Variants in DNAAF11 observed in about 807,000 individuals in gnomAD.
DNAAF11 encodes dynein axonemal assembly factor 11, also known as leucine rich repeat containing 6.
In DNAAF11, 45 loss-of-function variants were observed where a neutral mutation model predicts 60.8. That is an observed-to-expected ratio of 0.74 (90% CI 0.58 to 0.95). DNAAF11 has a LOEUF of 0.95. Among genes scored for constraint, DNAAF11 ranks in the 40% least tolerant of loss-of-function variants. The pLI, the probability that DNAAF11 is intolerant of heterozygous loss-of-function variation, is 0.00. For missense variants in DNAAF11, 546 were observed against 546.2 expected, an observed-to-expected ratio of 1.00 and a Z score of 0.00; for synonymous variants, 191 against 183.5, an observed-to-expected ratio of 1.04 and a Z score of -0.33.
At chr8:132,673,256 G>A (rs968770481) in intron 1 of DNAAF11, among the ~76,000 whole-genome samples, 2 of 152,114 alleles carry the variant, frequency 1.3e-5, no homozygotes, top group African/African-American at 4.8e-5. Flanking sequence ...TACTCTCTGT[G>A]CCTCACCAAA....
chr8:132,634,191 T>C (rs1402108896), intron 4 of DNAAF11, among the ~76,000 whole-genome samples: 3 of 152,350 alleles, frequency 2.0e-5, no homozygotes, highest in South Asian at 4.1e-4. Flanking sequence ...ATGGTTGCTA[T>C]AGATGGGCTG....
At chr8:132,689,421 A>G in the DNAAF11 span, among the ~76,000 whole-genome samples, 4 of 152,190 alleles carry the variant, frequency 2.6e-5, no homozygotes, top group Non-Finnish European at 5.9e-5. Flanking sequence ...TTAAATTGAT[A>G]TATGCTTATT....
At chr8:132,620,040 T>A (rs1819598545) in intron 7 of DNAAF11, among the ~76,000 whole-genome samples, 1 of 152,006 alleles carries the variant, frequency 6.6e-6, no homozygotes, top group Admixed American at 6.6e-5. Context: ...AAGTGTCAGA[T>A]GATGTTGGAA....
intron 4 of DNAAF11, among the ~76,000 whole-genome samples, chr8:132,633,905 C>A (rs1344355808): frequency 6.6e-6 from 1 of 152,134 alleles, no homozygotes; most frequent in Non-Finnish European, 1.5e-5. Context: ...GAAAGAATAA[C>A]CCTGCCAACA....
At chr8:132,637,830 A>G (rs1821450076) in intron 4 of DNAAF11, 105 bp downstream of exon 4, 5 of 942,064 alleles carry the variant, frequency 5.3e-6, no homozygotes, top group Non-Finnish European at 6.4e-6. Context: ...GGAATATTCC[A>G]TTATCTGAAG....
the DNAAF11 span, among the ~76,000 whole-genome samples, chr8:132,693,641 T>A: frequency 2.0e-5 from 3 of 152,042 alleles, no homozygotes; most frequent in African/African-American, 7.2e-5. Flanking sequence ...TGTCAGGTAC[T>A]ACTAAGTGCT....
chr8:132,615,304 C>T (rs925426046), intron 7 of DNAAF11, among the ~76,000 whole-genome samples: 1 of 152,146 alleles, frequency 6.6e-6, no homozygotes, highest in Non-Finnish European at 1.5e-5. Context: ...TTTGTGTTTA[C>T]AGTGTTTAAA....
At chr8:132,616,110 A>G (rs1819123296) in intron 7 of DNAAF11, among the ~76,000 whole-genome samples, 1 of 152,046 alleles carries the variant, frequency 6.6e-6, no homozygotes, top group African/African-American at 2.4e-5. Context: ...GAATTTTCCT[A>G]TGGCAGAGAT....
At chr8:132,679,703 G>T (rs112973897), upstream of DNAAF11, among the ~76,000 whole-genome samples, 4 of 152,198 alleles carry the variant, frequency 2.6e-5, no homozygotes, top group Admixed American at 1.3e-4. Context: ...TTCTGTTCTC[G>T]TGATAGTAAA....
intron 3 of DNAAF11, among the ~76,000 whole-genome samples, chr8:132,640,088 G>A (rs1234659273): frequency 5.3e-5 from 8 of 152,114 alleles, no homozygotes; most frequent in Non-Finnish European, 7.4e-5. Flanking sequence ...CATGATATTA[G>A]CAAGTCTAAT....
At chr8:132,694,498 C>T in the DNAAF11 span, among the ~76,000 whole-genome samples, 6 of 152,274 alleles carry the variant, frequency 3.9e-5, no homozygotes, top group South Asian at 6.2e-4. Flanking sequence ...TTCTAGCCTC[C>T]GTAACTGTGA....
the DNAAF11 span, chr8:132,702,154 A>G: frequency 6.6e-6 from 1 of 152,174 alleles, no homozygotes; most frequent in African/African-American, 2.4e-5. Context: ...ACTTTCTCTT[A>G]TTTGGTCTTC....
chr8:132,639,434 A>G (rs931035760), intron 3 of DNAAF11, among the ~76,000 whole-genome samples: 1 of 152,090 alleles, frequency 6.6e-6, no homozygotes, highest in African/African-American at 2.4e-5. Context: ...ATCATTTCTT[A>G]TTATATACTT....
rs527410242 is a variant in DNAAF11 at position 132,597,773 on chromosome 8, A to T, written c.1140+12393T>A. Among the ~76,000 whole-genome samples the T allele has an allele frequency of 2.0e-5, 3 of 152,302 alleles. No homozygotes were observed. In the South Asian group the frequency reaches 6.2e-4, roughly 32 times the overall value. ...TAACTATGCAGGTTATCTTCCAATT[A>T]AAGTGGTATGAGGAATCATGGAAGA... is the stretch of plus-strand genomic sequence containing the variant. On this transcript the variant is annotated intron_variant, in intron 10 of 11. Transcript: ENST00000620350.
intron 3 of DNAAF11, chr8:132,643,630 G>C (rs1044904035): frequency 6.6e-6 from 3 of 456,120 alleles, no homozygotes; most frequent in African/African-American, 4.0e-5. Context: ...GAACCTTGCA[G>C]ATGGTGTGAG....
chr8:132,696,233 A>G, the DNAAF11 span, among the ~76,000 whole-genome samples: 1 of 152,232 alleles, frequency 6.6e-6, no homozygotes, highest in African/African-American at 2.4e-5. Context: ...AATCAAAACC[A>G]CAATAATATA....
intron 3 of DNAAF11, chr8:132,643,560 A>T (rs1429239467): frequency 4.5e-6 from 2 of 446,932 alleles, no homozygotes; most frequent in Non-Finnish European, 9.0e-6. Flanking sequence ...GCCATATTTC[A>T]TTATGATATC....
At chr8:132,702,278 G>A in the DNAAF11 span, 6 of 152,154 alleles carry the variant, frequency 3.9e-5, no homozygotes, top group Non-Finnish European at 7.3e-5. Context: ...GGTCAATGAA[G>A]TTGACTAATA....
intron 11 of DNAAF11, among the ~76,000 whole-genome samples, chr8:132,578,867 C>T (rs1815031216): frequency 6.6e-6 from 1 of 152,194 alleles, no homozygotes; most frequent in Admixed American, 6.5e-5. Context: ...GTCAATCTGA[C>T]CTTACAGAGT....
Sources: gnomAD v4.1 joint callset for allele counts (sites outside exome capture counted in the v4.1 genomes callset) on GRCh38, gnomAD v4.1.1 for gene constraint, MANE v1.5 for transcripts, NCBI Gene and HGNC (gene_info 2026-07-23, HGNC 2026-07-21) for gene names.